The following ITIH2 variants were observed in gnomAD, a reference collection of about 807,000 sequenced individuals.
ITIH2 encodes inter-alpha-trypsin inhibitor heavy chain 2, also known as inter-alpha-trypsin inhibitor heavy chain H2.
Under a neutral mutation model 104.4 loss-of-function variants are expected in ITIH2, and 103 were observed. The ratio of observed to expected loss-of-function variants is 0.99; its 90% CI spans 0.84 to 1.16. ITIH2 has a LOEUF of 1.16. Among genes scored for constraint, ITIH2 ranks in the 50% most tolerant of loss-of-function variants. The pLI is 0.00. For synonymous variants in ITIH2, 436 were observed against 435.4 expected (o/e 1.00, Z -0.02); for missense variants, 1,108 against 1,162.4 (o/e 0.95, Z 0.68).
intron 9 of ITIH2, among the ~76,000 whole-genome samples, chr10:7,725,930 A>G (rs1455293762): frequency 6.6e-6 from 1 of 152,220 alleles, no homozygotes; most frequent in African/African-American, 2.4e-5. Context: ...TAATAAAAAC[A>G]ATTAGTAAGT....
intron 2 of ITIH2, 121 bp downstream of exon 2, chr10:7,705,303 A>C (rs1834736500): frequency 8.3e-6 from 6 of 721,326 alleles, no homozygotes; most frequent in Non-Finnish European, 1.4e-5. Context: ...AGCACAGAAG[A>C]GTCCAGACTT....
chr10:7,732,060 T>C, intron 13 of ITIH2, 64 bp downstream of exon 13: 3 of 1,282,898 alleles, frequency 2.3e-6, no homozygotes, highest in Non-Finnish European at 3.3e-6. Flanking sequence ...CCCTCTTGAA[T>C]GTCAGCTCTG....
rs1834714933 is a variant in ITIH2 at position 7,703,401 on chromosome 10, T to G, written c.-34T>G. The stretch of plus-strand genomic sequence containing the variant: ...GAAGTGATATCCTCCCCAGACCATC[T>G]GCTTTGGGGAGCTTGGCAAAACTGT... On this transcript the variant is annotated 5_prime_UTR_variant, in exon 1 of 21. Coordinates refer to ENST00000358415, the MANE Select transcript of ITIH2 (RefSeq NM_002216.3). 6.7e-7 allele frequency: 1 copy of G among 1,499,614 alleles called. No individual in the cohort carries two copies. The allele number at this position is 1,499,614 out of a possible 1,614,324, so 92.9% of individuals were successfully genotyped here. A position where few individuals can be genotyped will look rare whatever the true frequency, so the allele number is the denominator to read the frequency against.
rs7098319 is a variant in ITIH2 at position 7,732,013 on chromosome 10, A to G, written c.1647+17A>G. 1,217,479 of 1,594,562 alleles carry G rather than the reference A, an allele frequency of 0.76. 467,010 individuals are homozygous for G. The highest frequency in any genetic ancestry group is 0.86 in the Admixed American group (51,273 of 59,554). The stretch of plus-strand genomic sequence containing the variant: ...GCGACTTCGGTACTTCCACTTATCC[A>G]TTTATTCTATCTACTAACTGACCCC... On this transcript the variant is annotated intron_variant, in intron 13 of 20. Transcript: ENST00000358415.
intron 20 of ITIH2, among the ~76,000 whole-genome samples, chr10:7,748,379 T>A (rs1445837760): frequency 6.7e-6 from 1 of 149,718 alleles, no homozygotes; most frequent in Non-Finnish European, 1.5e-5. Flanking sequence ...CTTTTAAGTC[T>A]CGTTCACGCA....
At chr10:7,706,396 C>G (rs889011878) in intron 2 of ITIH2, among the ~76,000 whole-genome samples, 1 of 152,168 alleles carries the variant, frequency 6.6e-6, no homozygotes, top group East Asian at 1.9e-4. Flanking sequence ...CATTCACTTT[C>G]AAAGGCAAGG....
intron 19 of ITIH2, among the ~76,000 whole-genome samples, chr10:7,746,185 T>A (rs1835176083): frequency 7.2e-6 from 1 of 139,264 alleles, no homozygotes; most frequent in African/African-American, 2.7e-5. Context: ...GAGTTCAAGA[T>A]CAACCTGTGC....
intron 4 of ITIH2, among the ~76,000 whole-genome samples, chr10:7,710,920 C>CTTT (rs58634403): frequency 1.0e-4 from 15 of 145,824 alleles, no homozygotes; most frequent in South Asian, 4.4e-4. Context: ...TGTTTTCCTT[C>CTTT]TTTTTTTTTT....
chr10:7,703,391 C>G lies in ITIH2; in HGVS notation c.-44C>G, dbSNP rs765774340. On this transcript the variant is annotated 5_prime_UTR_variant, in exon 1 of 21. Transcript: ENST00000358415. ...TCAGTAGGAAGAAGTGATATCCTCC[C>G]CAGACCATCTGCTTTGGGGAGCTTG... 2.2e-6 allele frequency: 3 copies of G among 1,363,304 alleles called. No homozygotes were observed. The highest frequency in any genetic ancestry group is 2.1e-6 in the Non-Finnish European group (2 of 951,446). The allele number at this position is 1,363,304 out of a possible 1,614,324, so 84.5% of individuals were successfully genotyped here.
At chr10:7,733,164 A>G (rs919642571) in intron 14 of ITIH2, among the ~76,000 whole-genome samples, 1 of 151,836 alleles carries the variant, frequency 6.6e-6, no homozygotes, top group Non-Finnish European at 1.5e-5. Flanking sequence ...CCACTCTTTC[A>G]ATGTCTGTGA....
At chr10:7,729,818 A>G (rs1834984659) in intron 11 of ITIH2, 134 bp from the exon 12 acceptor site, 3 of 542,822 alleles carry the variant, frequency 5.5e-6, no homozygotes, top group South Asian at 3.3e-5. Flanking sequence ...AAAACTAGAA[A>G]TTGAGTTACT....
intron 9 of ITIH2, among the ~76,000 whole-genome samples, chr10:7,725,013 C>G (rs1319095743): frequency 6.6e-6 from 1 of 151,744 alleles, no homozygotes; most frequent in Non-Finnish European, 1.5e-5. Context: ...AAAACAGACC[C>G]AAAGCATAAA....
chr10:7,719,768 A>C (rs1209734231), intron 6 of ITIH2, among the ~76,000 whole-genome samples: 1 of 145,634 alleles, frequency 6.9e-6, no homozygotes, highest in Non-Finnish European at 1.5e-5. Flanking sequence ...CTCAAAAAAA[A>C]AAAAAAAAAA....
chr10:7,742,705 T>A (rs553106363), intron 16 of ITIH2, among the ~76,000 whole-genome samples: 1 of 152,250 alleles, frequency 6.6e-6, no homozygotes, highest in East Asian at 1.9e-4. Flanking sequence ...GATTGCAACA[T>A]TGCACTCCAG....
chr10:7,741,404 G>T (rs946285097), intron 16 of ITIH2, among the ~76,000 whole-genome samples: 1 of 151,896 alleles, frequency 6.6e-6, no homozygotes, highest in African/African-American at 2.4e-5. Flanking sequence ...GGTCTCGAAT[G>T]CCTGACCTCG....
In ITIH2 at chr10:7,720,958, C is replaced by T. The variant is rs944599273; in HGVS notation, c.733C>T (p.Gln245Ter). The T allele has an allele frequency of 1.1e-5, 18 of 1,599,196 alleles. No individual in the cohort carries two copies. Among genetic ancestry groups the T allele is most frequent in the Middle Eastern group, 1.6e-4 (1 of 6,064 alleles). ...TGTTCCGGTCATTTCTAAAGGACAA[C>T]AGAAGGTACCCTGAGCCCTGTGTGT... Reference protein sequence around the residue: ...DGVPVISKGQQKAHVSFKPTV... With the variant: ...DGVPVISKGQ The change falls in exon 7 of 21, where the codon CAG becomes TAG. Residue 245 changes from glutamine (Q) to a stop codon, truncating the protein, a stop_gained. Coordinates refer to ENST00000358415, the MANE Select transcript of ITIH2 (RefSeq NM_002216.3). LOFTEE classifies it high-confidence loss of function.
Position 7,703,348 on chromosome 10 carries a change from T to A in ITIH2, c.-87T>A, listed in dbSNP as rs979478860. 3.5e-6 allele frequency: 3 copies of A among 845,140 alleles called. No individual in the cohort carries two copies. The highest frequency in any genetic ancestry group is 6.2e-6 in the Non-Finnish European group (3 of 485,998). The allele number at this position is 845,140 out of a possible 1,614,324, so 52.4% of individuals were successfully genotyped here. A position where few individuals can be genotyped will look rare whatever the true frequency, so the allele number is the denominator to read the frequency against. ...CTTAAAGCGAACTGTACTCCTCTGC[T>A]GTTCCTTTGAACTTGGTTCAGTAGG... On this transcript the variant is annotated 5_prime_UTR_variant, in exon 1 of 21. Coordinates refer to ENST00000358415, the MANE Select transcript of ITIH2 (RefSeq NM_002216.3).
chr10:7,729,940 C>T lies in ITIH2; in HGVS notation c.1280-12C>T. ...TCTTCATTCCTTTCCTTTCGGACAT[C>T]ACCAACTTTAGGCGAACTAAAACTG... is the stretch of plus-strand genomic sequence containing the variant. On this transcript the variant is annotated splice_polypyrimidine_tract_variant and intron_variant, in intron 11 of 20. Coordinates refer to ENST00000358415, the MANE Select transcript of ITIH2 (RefSeq NM_002216.3). The T allele has an allele frequency of 6.4e-7, 1 of 1,570,466 alleles. No homozygotes were observed. Among genetic ancestry groups the T allele is most frequent in the Non-Finnish European group, 8.6e-7 (1 of 1,158,606 alleles).
intron 4 of ITIH2, among the ~76,000 whole-genome samples, chr10:7,709,737 C>G (rs1015674792): frequency 1.3e-5 from 2 of 152,196 alleles, no homozygotes; most frequent in African/African-American, 4.8e-5. Context: ...TCTTATACTT[C>G]AAATATTTTC....
Sources: gnomAD v4.1 joint callset for allele counts (sites outside exome capture counted in the v4.1 genomes callset) on GRCh38, gnomAD v4.1.1 for gene constraint, MANE v1.5 for transcripts, NCBI Gene and HGNC (gene_info 2026-07-23, HGNC 2026-07-21) for gene names.